PTPRD: variants seen among roughly 807,000 people sequenced by gnomAD.
PTPRD encodes receptor-type tyrosine-protein phosphatase delta.
PTPRD carries 34 observed loss-of-function variants against 214.5 expected under a neutral mutation model. The observed-to-expected ratio is 0.16, with a 90% CI of 0.12 to 0.21. The LOEUF (loss-of-function observed/expected upper bound fraction) is 0.21. Among genes scored for constraint, PTPRD ranks in the 10% least tolerant of loss-of-function variants. The pLI, the probability that PTPRD is intolerant of heterozygous loss-of-function variation, is 1.00. For synonymous variants in PTPRD, 1,128 were observed against 845.7 expected (o/e 1.33, Z -5.79); for missense variants, 2,545 against 2,398.7 (o/e 1.06, Z -1.27).
rs139317482 is a variant in PTPRD at position 10,232,563 on chromosome 9, C to T, written c.-545+108400G>A. ...TGCAAAATGTGCTTCCAGCAGATGG[C>T]GTTTTGCATAGATAATAAAGATGTT... On this transcript the variant is annotated intron_variant, in intron 3 of 45. Coordinates refer to ENST00000381196, the MANE Select transcript of PTPRD (RefSeq NM_002839.4). Among the ~76,000 whole-genome samples, 419 of 151,992 alleles carry T rather than the reference C, an allele frequency of 2.8e-3. 2 individuals are homozygous for T. The highest frequency in any genetic ancestry group is 6.8e-3 in the Middle Eastern group (2 of 294).
chr9:9,480,257 T>C (rs552133111), intron 8 of PTPRD, among the ~76,000 whole-genome samples: 3 of 152,290 alleles, frequency 2.0e-5, no homozygotes, highest in Admixed American at 2.0e-4. Context: ...TTAAATCATA[T>C]GCTGACATTA....
intron 14 of PTPRD, among the ~76,000 whole-genome samples, chr9:8,582,265 G>C (rs181649591): frequency 6.6e-6 from 1 of 152,110 alleles, no homozygotes; most frequent in East Asian, 1.9e-4. Flanking sequence ...ACAACAAACA[G>C]AAAAATCCAT....
intron 32 of PTPRD, among the ~76,000 whole-genome samples, chr9:8,464,944 G>T (rs574226390): frequency 6.6e-6 from 1 of 151,754 alleles, no homozygotes; most frequent in Admixed American, 6.6e-5. Context: ...TCATGAATCC[G>T]GGTAGAGGCA....
At chr9:9,910,246 A>G (rs2078810529) in intron 5 of PTPRD, among the ~76,000 whole-genome samples, 1 of 152,014 alleles carries the variant, frequency 6.6e-6, no homozygotes, top group Non-Finnish European at 1.5e-5. Context: ...GTAGAGTTTC[A>G]TGCAAACCCC....
intron 4 of PTPRD, among the ~76,000 whole-genome samples, chr9:10,019,426 G>C (rs1316182329): frequency 1.3e-5 from 2 of 151,934 alleles, no homozygotes; most frequent in Non-Finnish European, 2.9e-5. Flanking sequence ...CCCATTACTG[G>C]GTATATACCC....
At chr9:10,385,704 G>A (rs1042054166) in intron 2 of PTPRD, among the ~76,000 whole-genome samples, 1 of 151,550 alleles carries the variant, frequency 6.6e-6, no homozygotes, top group African/African-American at 2.4e-5. Flanking sequence ...TTCACTTATG[G>A]CTTATCATAA....
At chr9:10,251,868 A>G (rs920404619) in intron 3 of PTPRD, among the ~76,000 whole-genome samples, 1 of 152,186 alleles carries the variant, frequency 6.6e-6, no homozygotes, top group African/African-American at 2.4e-5. Flanking sequence ...GGGTTAGGGA[A>G]AGGGGAAATG....
At chr9:8,890,022 TA>T (rs2098525109) in intron 11 of PTPRD, among the ~76,000 whole-genome samples, 11 of 152,210 alleles carry the variant, frequency 7.2e-5, no homozygotes. Context: ...TTCAGTTATT[TA>T]AGGAACCTCC....
intron 10 of PTPRD, among the ~76,000 whole-genome samples, chr9:9,019,330 AAGAAAGAACG>A (rs2099552816): frequency 2.8e-5 from 1 of 36,278 alleles, no homozygotes; most frequent in South Asian, 1.1e-3. Flanking sequence ...GAAAGAAAGA[AAGAAAGAACG>A]AAAGAAAGAA....
chr9:9,881,860 T>C (rs2068823724), intron 5 of PTPRD, among the ~76,000 whole-genome samples: 1 of 152,040 alleles, frequency 6.6e-6, no homozygotes, highest in African/African-American at 2.4e-5. Context: ...CTCTTATACC[T>C]CTACATTTAC....
intron 5 of PTPRD, among the ~76,000 whole-genome samples, chr9:9,840,799 A>C (rs928722316): frequency 6.2e-5 from 7 of 113,308 alleles, no homozygotes; most frequent in African/African-American, 2.1e-4. Context: ...AAAAAAAAAA[A>C]CAGAAAGGGG....
chr9:8,937,837 A>G (rs2099007778), intron 11 of PTPRD, among the ~76,000 whole-genome samples: 1 of 152,180 alleles, frequency 6.6e-6, no homozygotes. Flanking sequence ...TCTTGTGGCT[A>G]CATTTTGTTA....
chr9:8,887,471 T>C (rs1419587765), intron 11 of PTPRD, among the ~76,000 whole-genome samples: 3 of 152,128 alleles, frequency 2.0e-5, no homozygotes, highest in Non-Finnish European at 4.4e-5. Context: ...AAATGACACC[T>C]GTAAAGGGAA....
intron 5 of PTPRD, among the ~76,000 whole-genome samples, chr9:9,770,309 G>A (rs1012890095): frequency 3.9e-5 from 6 of 152,078 alleles, no homozygotes; most frequent in Admixed American, 2.6e-4. Context: ...TTCTTACAGC[G>A]TGAGAGAAAT....
chr9:9,723,281 C>A (rs748685022), intron 7 of PTPRD, among the ~76,000 whole-genome samples: 4 of 152,058 alleles, frequency 2.6e-5, no homozygotes, highest in Non-Finnish European at 5.9e-5. Context: ...ATATTACTTT[C>A]TCCATTGGGT....
At chr9:10,492,715 T>C (rs2132768211) in intron 2 of PTPRD, among the ~76,000 whole-genome samples, 1 of 152,304 alleles carries the variant, frequency 6.6e-6, no homozygotes, top group African/African-American at 2.4e-5. Flanking sequence ...CTCTTTACTT[T>C]AATTAGATCC....
chr9:9,319,089 T>C (rs1338468972), intron 9 of PTPRD, among the ~76,000 whole-genome samples: 2 of 152,208 alleles, frequency 1.3e-5, no homozygotes, highest in Admixed American at 6.5e-5. Context: ...AAAGGATTGA[T>C]TTATCACTTT....
chr9:9,386,637 G>A (rs886939733), intron 9 of PTPRD, among the ~76,000 whole-genome samples: 7 of 152,220 alleles, frequency 4.6e-5, no homozygotes, highest in African/African-American at 1.7e-4. Context: ...AGCAAAATAT[G>A]AGGAAAAATT....
chr9:9,310,543 A>G (rs899487225), intron 9 of PTPRD, among the ~76,000 whole-genome samples: 1 of 152,164 alleles, frequency 6.6e-6, no homozygotes, highest in Non-Finnish European at 1.5e-5. Context: ...CTGAAAAGGC[A>G]GAAAGAAATA....
Sources: gnomAD v4.1 joint callset for allele counts (sites outside exome capture counted in the v4.1 genomes callset) on GRCh38, gnomAD v4.1.1 for gene constraint, MANE v1.5 for transcripts, NCBI Gene and HGNC (gene_info 2026-07-23, HGNC 2026-07-21) for gene names.